The following PTPRT variants were observed in gnomAD, a reference collection of about 807,000 sequenced individuals.
PTPRT encodes the protein protein tyrosine phosphatase receptor type T, also known as receptor-type tyrosine-protein phosphatase T.
Under a neutral mutation model 176.8 loss-of-function variants are expected in PTPRT, and 56 were observed. The observed-to-expected ratio is 0.32, with a 90% confidence interval of 0.26 to 0.40. The LOEUF (loss-of-function observed/expected upper bound fraction) is 0.40, where lower values mean the gene tolerates loss of function less well. Among genes scored for constraint, PTPRT ranks in the 10% least tolerant of loss-of-function variants. PTPRT has a pLI of 1.00. For missense variants in PTPRT, 1,540 were observed against 1,908.2 expected, an observed-to-expected ratio of 0.81 and a Z score of 3.60; for synonymous variants, 783 against 739.0, an observed-to-expected ratio of 1.06 and a Z score of -0.96.
intron 1 of PTPRT, among the ~76,000 whole-genome samples, chr20:42,988,866 T>A (rs1395242145): frequency 6.6e-6 from 1 of 152,152 alleles, no homozygotes; most frequent in African/African-American, 2.4e-5. Context: ...CCAACACCCA[T>A]GAGCATCACA....
chr20:42,318,218 C>T lies in PTPRT; in HGVS notation c.1866-2222G>A, dbSNP rs149181489. ...TTATGATTTCAATAATCACTTCCTC[C>T]TCAACTCTGGGGTCCTTCTCAACTG... On this transcript the variant is annotated intron_variant, in intron 11 of 30. Transcript: ENST00000373187. Among the ~76,000 whole-genome samples the T allele has an allele frequency of 9.5e-4, 145 of 152,278 alleles. 1 individual carries two copies. Among genetic ancestry groups the T allele is most frequent in the African/African-American group, 2.5e-3 (102 of 41,542 alleles).
At chr20:42,866,331 G>T (rs1454253512) in intron 2 of PTPRT, among the ~76,000 whole-genome samples, 1 of 152,132 alleles carries the variant, frequency 6.6e-6, no homozygotes, top group Non-Finnish European at 1.5e-5. Flanking sequence ...AACCCACGTG[G>T]CTTGGCTAGA....
intron 9 of PTPRT, among the ~76,000 whole-genome samples, chr20:42,428,949 G>A (rs1183857546): frequency 2.0e-5 from 3 of 152,078 alleles, no homozygotes; most frequent in Non-Finnish European, 2.9e-5. Context: ...ACATCTGCAA[G>A]CTTATGGCCA....
chr20:42,871,949 G>C (rs1291739502), intron 2 of PTPRT, among the ~76,000 whole-genome samples: 1 of 152,112 alleles, frequency 6.6e-6, no homozygotes, highest in African/African-American at 2.4e-5. Context: ...GAAGCTATAG[G>C]TCTTATTTTA....
chr20:42,472,639 G>A (rs2071219618), intron 7 of PTPRT, 77 bp from the exon 8 acceptor site: 7 of 1,431,670 alleles, frequency 4.9e-6, no homozygotes, highest in Non-Finnish European at 6.6e-6. Flanking sequence ...TGCTACAACA[G>A]GGAACACAGC....
chr20:42,627,830 C>T (rs1316448962), intron 7 of PTPRT, among the ~76,000 whole-genome samples: 2 of 151,802 alleles, frequency 1.3e-5, no homozygotes, highest in African/African-American at 4.8e-5. Context: ...CAAAATTTTA[C>T]AGCCAGATGC....
At chr20:43,169,006 T>A (rs1359389366) in intron 1 of PTPRT, among the ~76,000 whole-genome samples, 2 of 152,202 alleles carry the variant, frequency 1.3e-5, no homozygotes, top group African/African-American at 4.8e-5. Flanking sequence ...CAAACTTCCC[T>A]GCCTTCTTCC....
chr20:42,739,529 G>A lies in PTPRT; in HGVS notation c.859+16933C>T, dbSNP rs142151025. Among the ~76,000 whole-genome samples, 575 of 152,172 alleles carry A rather than the reference G, an allele frequency of 3.8e-3. 15 individuals carry two copies. Among genetic ancestry groups the A allele is most frequent in the Admixed American group, 0.029 (448 of 15,278 alleles). ...AGAGAGGGAAGGGGCAGAGGCTGGC[G>A]GACACTGAGGAGAGGAGAAAGAAAG... On this transcript the variant is annotated intron_variant, in intron 6 of 30. Coordinates refer to ENST00000373187, the MANE Select transcript of PTPRT (RefSeq NM_007050.6).
At chr20:42,185,032 A>G (rs1324376606) in intron 16 of PTPRT, among the ~76,000 whole-genome samples, 1 of 152,084 alleles carries the variant, frequency 6.6e-6, no homozygotes, top group Admixed American at 6.6e-5. Context: ...CTAGAAAACC[A>G]GCATGGTCCA....
At chr20:42,752,460 T>C (rs2076781582) in intron 6 of PTPRT, among the ~76,000 whole-genome samples, 1 of 152,090 alleles carries the variant, frequency 6.6e-6, no homozygotes. Flanking sequence ...GACCCAAGCA[T>C]CTTGGCTGCA....
chr20:42,103,613 A>C (rs1308894929), intron 25 of PTPRT, among the ~76,000 whole-genome samples: 1 of 152,134 alleles, frequency 6.6e-6, no homozygotes, highest in Non-Finnish European at 1.5e-5. Flanking sequence ...TTACAGGTGC[A>C]TGCCACCATG....
chr20:42,689,734 G>C (rs938027651), intron 6 of PTPRT, among the ~76,000 whole-genome samples: 6 of 152,152 alleles, frequency 3.9e-5, no homozygotes, highest in Non-Finnish European at 1.5e-5. Flanking sequence ...AGGGAGGCAG[G>C]AGAGTCGGAG....
chr20:43,012,050 C>T (rs573158997), intron 1 of PTPRT, among the ~76,000 whole-genome samples: 10 of 152,212 alleles, frequency 6.6e-5, no homozygotes, highest in Admixed American at 6.5e-5. Context: ...GGCTTCCCTA[C>T]TTTTGAGGTT....
intron 1 of PTPRT, among the ~76,000 whole-genome samples, chr20:42,939,349 G>T (rs1254988321): frequency 6.6e-6 from 1 of 152,144 alleles, no homozygotes; most frequent in Non-Finnish European, 1.5e-5. Context: ...CATCACTCCC[G>T]CCATCTCAGC....
intron 6 of PTPRT, among the ~76,000 whole-genome samples, chr20:42,715,261 C>A (rs2076205864): frequency 6.6e-6 from 1 of 152,090 alleles, no homozygotes; most frequent in South Asian, 2.1e-4. Context: ...ATCTACCATT[C>A]TTAGGTAACA....
intron 7 of PTPRT, among the ~76,000 whole-genome samples, chr20:42,512,254 T>TC (rs1160742316): frequency 6.6e-6 from 1 of 152,186 alleles, no homozygotes; most frequent in Non-Finnish European, 1.5e-5. Context: ...CCAAAAAACT[T>TC]CCTTGTACTA....
chr20:42,221,147 G>C (rs1228347306), intron 15 of PTPRT, among the ~76,000 whole-genome samples: 1 of 152,088 alleles, frequency 6.6e-6, no homozygotes, highest in East Asian at 1.9e-4. Flanking sequence ...GAAATTACAG[G>C]CATGCACCAT....
chr20:43,141,045 G>A (rs1047163257), intron 1 of PTPRT, among the ~76,000 whole-genome samples: 6 of 152,168 alleles, frequency 3.9e-5, no homozygotes, highest in Non-Finnish European at 7.3e-5. Context: ...ACAAATGCCA[G>A]GCTGATAATC....
intron 2 of PTPRT, among the ~76,000 whole-genome samples, chr20:42,844,116 C>T (rs75252524): frequency 0.016 from 2,395 of 152,284 alleles, 67 homozygotes; most frequent in African/African-American, 0.055. Context: ...TTTTTGAATG[C>T]CAACTATGTG....
Sources: allele counts gnomAD v4.1 joint callset (sites outside exome capture counted in the v4.1 genomes callset), GRCh38; gene constraint gnomAD v4.1.1; transcripts MANE v1.5; gene names NCBI Gene and HGNC (gene_info 2026-07-23, HGNC 2026-07-21).